SLC9A9: variants seen among roughly 807,000 people sequenced by gnomAD.
SLC9A9 encodes sodium/hydrogen exchanger 9.
SLC9A9 carries 62 observed loss-of-function variants against 77.8 expected under a neutral mutation model. That is an observed-to-expected ratio of 0.80 (90% CI 0.65 to 0.98). SLC9A9 has a LOEUF of 0.98. Among genes scored for constraint, SLC9A9 ranks in the 50% least tolerant of loss-of-function variants. SLC9A9 has a pLI of 0.00. For synonymous variants in SLC9A9, 320 were observed against 283.5 expected (o/e 1.13, Z -1.29); for missense variants, 775 against 774.9 (o/e 1.00, Z 0.00).
chr3:143,636,824 A>C (rs9863224), intron 6 of SLC9A9, among the ~76,000 whole-genome samples: 55,027 of 151,954 alleles, frequency 0.36, 10,296 homozygotes, highest in East Asian at 0.5. Context: ...CCACTACTAA[A>C]ACCTACAAAC....
chr3:143,277,053 G>A (rs918939817), intron 14 of SLC9A9, among the ~76,000 whole-genome samples: 4 of 152,144 alleles, frequency 2.6e-5, no homozygotes, highest in African/African-American at 4.8e-5. Flanking sequence ...ACTCTACTTG[G>A]CTCCTCAGAG....
chr3:143,531,735 A>G (rs1479384186), intron 9 of SLC9A9, among the ~76,000 whole-genome samples: 1 of 152,278 alleles, frequency 6.6e-6, no homozygotes, highest in African/African-American at 2.4e-5. Flanking sequence ...TGACATAGTA[A>G]GTTTAAAAAG....
At chr3:143,647,733 T>C (rs1299189897) in intron 6 of SLC9A9, among the ~76,000 whole-genome samples, 1 of 152,228 alleles carries the variant, frequency 6.6e-6, no homozygotes, top group Non-Finnish European at 1.5e-5. Flanking sequence ...TTAGTTAGCT[T>C]CTTCCTTCCT....
At chr3:143,392,102 G>A (rs7642550) in intron 12 of SLC9A9, among the ~76,000 whole-genome samples, 8,521 of 152,092 alleles carry the variant, frequency 0.056, 333 homozygotes, top group African/African-American at 0.11. Context: ...CACAGAGAAC[G>A]CCACAAACAT....
intron 9 of SLC9A9, among the ~76,000 whole-genome samples, chr3:143,498,768 C>A (rs755386916): frequency 6.6e-6 from 1 of 152,104 alleles, no homozygotes; most frequent in South Asian, 2.1e-4. Flanking sequence ...CCTCTACCAC[C>A]ACAAATTAGC....
intron 11 of SLC9A9, among the ~76,000 whole-genome samples, chr3:143,480,443 T>TCTGCTTCGTCACAGCAATG (rs1288346785): frequency 2.0e-5 from 3 of 152,258 alleles, no homozygotes; most frequent in African/African-American, 7.2e-5. Context: ...ACTATACTTG[T>TCTGCTTCGTCACAGCAATG]CTGCTTCGTC....
intron 4 of SLC9A9, among the ~76,000 whole-genome samples, chr3:143,778,606 C>A (rs1242223023): frequency 4.0e-5 from 6 of 151,418 alleles, no homozygotes; most frequent in East Asian, 2.0e-4. Context: ...ATCTGGAAAC[C>A]ATGTAAAAAA....
At chr3:143,548,346 T>A (rs576675630) in intron 9 of SLC9A9, among the ~76,000 whole-genome samples, 6 of 152,164 alleles carry the variant, frequency 3.9e-5, no homozygotes, top group Non-Finnish European at 8.8e-5. Flanking sequence ...GGAGGAAGGC[T>A]GGAAATCATC....
At chr3:143,476,633 C>T (rs838632) in intron 11 of SLC9A9, among the ~76,000 whole-genome samples, 110,238 of 152,160 alleles carry the variant, frequency 0.72, 40,087 homozygotes, top group African/African-American at 0.77. Context: ...TAACATAGAT[C>T]GGAAGAAAGT....
At chr3:143,652,778 TAC>T (rs369670861) in intron 5 of SLC9A9, among the ~76,000 whole-genome samples, 894 of 81,994 alleles carry the variant, frequency 0.011, 9 homozygotes, top group South Asian at 0.056. Flanking sequence ...ATTCCTTAAA[TAC>T]ACACACACAC....
chr3:143,534,049 T>C (rs1203827406), intron 9 of SLC9A9, among the ~76,000 whole-genome samples: 1 of 152,194 alleles, frequency 6.6e-6, no homozygotes, highest in African/African-American at 2.4e-5. Flanking sequence ...CATATTTCAC[T>C]TAAAAACTGT....
At chr3:143,704,201 G>C (rs915000055) in intron 4 of SLC9A9, among the ~76,000 whole-genome samples, 2 of 151,666 alleles carry the variant, frequency 1.3e-5, no homozygotes, top group Admixed American at 1.3e-4. Flanking sequence ...GGAGAAGGAG[G>C]GAATACTTTC....
chr3:143,753,972 C>G (rs573291139), intron 4 of SLC9A9, among the ~76,000 whole-genome samples: 7 of 151,186 alleles, frequency 4.6e-5, no homozygotes, highest in Non-Finnish European at 8.8e-5. Flanking sequence ...GCAATTTTTC[C>G]CTACAATCAA....
At chr3:143,553,628 A>G (rs2036930361) in intron 8 of SLC9A9, among the ~76,000 whole-genome samples, 1 of 152,176 alleles carries the variant, frequency 6.6e-6, no homozygotes, top group African/African-American at 2.4e-5. Context: ...CATGTTGGTT[A>G]TTTTTCAGGT....
intron 6 of SLC9A9, among the ~76,000 whole-genome samples, chr3:143,588,383 A>G (rs895179957): frequency 2.8e-4 from 43 of 152,232 alleles, no homozygotes; most frequent in African/African-American, 1.0e-3. Context: ...CAGTACTTCA[A>G]TAGAGGATGC....
At chr3:143,629,304 A>G (rs959172726) in intron 6 of SLC9A9, among the ~76,000 whole-genome samples, 3 of 152,228 alleles carry the variant, frequency 2.0e-5, no homozygotes, top group African/African-American at 4.8e-5. Flanking sequence ...ACTGTGCTGA[A>G]CGAAGGTATA....
At chr3:143,691,543 A>G (rs1386008008) in intron 5 of SLC9A9, among the ~76,000 whole-genome samples, 1 of 152,124 alleles carries the variant, frequency 6.6e-6, no homozygotes, top group African/African-American at 2.4e-5. Context: ...AAACAGTACT[A>G]TTATGTAATT....
intron 9 of SLC9A9, chr3:143,504,156 G>A (rs1374133955): frequency 2.1e-5 from 8 of 384,312 alleles, no homozygotes; most frequent in Admixed American, 1.7e-4. Flanking sequence ...TGCAGTTGAG[G>A]ACAGTGAGGG....
At chr3:143,474,561 T>G (rs932546349) in intron 11 of SLC9A9, among the ~76,000 whole-genome samples, 1 of 151,876 alleles carries the variant, frequency 6.6e-6, no homozygotes, top group African/African-American at 2.4e-5. Context: ...AGAGGAGAAC[T>G]CAGCCCTGGA....
Sources: allele counts gnomAD v4.1 joint callset (sites outside exome capture counted in the v4.1 genomes callset), GRCh38; gene constraint gnomAD v4.1.1; transcripts MANE v1.5; gene names NCBI Gene and HGNC (gene_info 2026-07-23, HGNC 2026-07-21).